Variants in INPP4B observed in about 807,000 individuals in gnomAD.
The protein encoded by INPP4B is inositol polyphosphate-4-phosphatase type II B, also known as inositol polyphosphate 4-phosphatase type II.
A neutral mutation model predicts 122.5 loss-of-function variants in INPP4B; 55 were observed. The ratio of observed to expected loss-of-function variants is 0.45; its 90% CI spans 0.36 to 0.56. The LOEUF (loss-of-function observed/expected upper bound fraction) is 0.56, where lower values mean the gene tolerates loss of function less well. Ranked by LOEUF, INPP4B falls within the 20% of genes least tolerant of loss-of-function variation. INPP4B has a pLI of 0.00. For synonymous variants in INPP4B, 403 were observed against 388.7 expected (o/e 1.04, Z -0.43); for missense variants, 1,000 against 1,097.7 (o/e 0.91, Z 1.26).
chr4:142,674,657 G>C (rs1757468061), intron 2 of INPP4B, among the ~76,000 whole-genome samples: 1 of 152,038 alleles, frequency 6.6e-6, no homozygotes, highest in African/African-American at 2.4e-5. Context: ...CAAAAGAATG[G>C]AAATTATAAC....
chr4:142,839,261 C>T (rs534793558), intron 1 of INPP4B, among the ~76,000 whole-genome samples: 2 of 152,198 alleles, frequency 1.3e-5, no homozygotes, highest in South Asian at 4.2e-4. Flanking sequence ...AGTTCGAGAC[C>T]AGCCTGGCCA....
chr4:142,574,558 G>A (rs577187309), intron 2 of INPP4B, among the ~76,000 whole-genome samples: 5 of 152,174 alleles, frequency 3.3e-5, no homozygotes, highest in Admixed American at 3.3e-4. Flanking sequence ...AGTTTCTCCG[G>A]AAACACCATG....
At chr4:142,496,217 C>T (rs1242929392) in intron 2 of INPP4B, among the ~76,000 whole-genome samples, 2 of 151,736 alleles carry the variant, frequency 1.3e-5, no homozygotes, top group Admixed American at 6.6e-5. Context: ...TAATTTTGCT[C>T]AATATTGTTC....
chr4:142,164,013 C>T (rs1185032987), intron 16 of INPP4B, among the ~76,000 whole-genome samples: 1 of 151,670 alleles, frequency 6.6e-6, no homozygotes, highest in African/African-American at 2.4e-5. Context: ...GAACGTAAGG[C>T]AGATCTATTT....
At chr4:142,739,639 C>A (rs1044031897) in intron 1 of INPP4B, among the ~76,000 whole-genome samples, 1 of 151,882 alleles carries the variant, frequency 6.6e-6, no homozygotes, top group African/African-American at 2.4e-5. Flanking sequence ...CCCACAAAGA[C>A]AGACAGAAAG....
chr4:142,637,286 A>T (rs916763861), intron 2 of INPP4B, among the ~76,000 whole-genome samples: 1 of 152,168 alleles, frequency 6.6e-6, no homozygotes, highest in Non-Finnish European at 1.5e-5. Context: ...GATATACACC[A>T]TTGTAGTACA....
intron 2 of INPP4B, among the ~76,000 whole-genome samples, chr4:142,475,546 T>C (rs1224615865): frequency 6.6e-6 from 1 of 152,056 alleles, no homozygotes; most frequent in African/African-American, 2.4e-5. Flanking sequence ...GAATGAAGAT[T>C]ATCGACATTC....
chr4:142,525,678 C>G (rs1025060914), intron 2 of INPP4B, among the ~76,000 whole-genome samples: 1 of 119,260 alleles, frequency 8.4e-6, no homozygotes, highest in African/African-American at 3.0e-5. Flanking sequence ...GGAAAACTGG[C>G]TAGCCATATG....
intron 2 of INPP4B, among the ~76,000 whole-genome samples, chr4:142,537,090 C>T (rs543544526): frequency 6.6e-6 from 1 of 152,020 alleles, no homozygotes; most frequent in Non-Finnish European, 1.5e-5. Context: ...CCACTGCCCC[C>T]GGCCAGGACA....
intron 25 of INPP4B, chr4:142,029,558 C>T (rs1438814983): frequency 1.0e-6 from 1 of 985,398 alleles, no homozygotes; most frequent in Non-Finnish European, 1.2e-6. Context: ...AAAGCCAAAT[C>T]AACCCAAACA....
intron 2 of INPP4B, among the ~76,000 whole-genome samples, chr4:142,685,237 A>C (rs1759176913): frequency 6.6e-6 from 1 of 152,064 alleles, no homozygotes; most frequent in African/African-American, 2.4e-5. Flanking sequence ...TGCCTGAGAC[A>C]GGCAAATATA....
intron 7 of INPP4B, among the ~76,000 whole-genome samples, chr4:142,370,914 A>G (rs554963564): frequency 6.6e-6 from 1 of 152,252 alleles, no homozygotes; most frequent in Non-Finnish European, 1.5e-5. Flanking sequence ...CATTCCTCAT[A>G]GAAGTAGAAA....
In INPP4B at chr4:142,637,009, CTT is replaced by C. The variant is rs1402245342; in HGVS notation, c.-191+88828_-191+88829del. Among the ~76,000 whole-genome samples the C allele has an allele frequency of 1.1e-4, 16 of 152,136 alleles. 1 individual carries two copies. The South Asian group carries it at 2.1e-3, about 20-fold the overall frequency. ...TAAATTCTGCTAAATGGGTCATACT[CTT>C]ATTTATTTTTTATTTATCAATAAAC... On this transcript the variant is annotated intron_variant, in intron 2 of 25. Transcript: ENST00000262992.
At chr4:142,075,231 A>G (rs1038270481) in intron 25 of INPP4B, among the ~76,000 whole-genome samples, 1 of 151,988 alleles carries the variant, frequency 6.6e-6, no homozygotes, top group Non-Finnish European at 1.5e-5. Context: ...ACGACCACAT[A>G]TTTCTATTAA....
intron 23 of INPP4B, among the ~76,000 whole-genome samples, chr4:142,090,746 T>C (rs1307248203): frequency 6.6e-6 from 1 of 151,694 alleles, no homozygotes; most frequent in African/African-American, 2.4e-5. Context: ...TATTCAGAGG[T>C]AAAAGTTACA....
At chr4:142,429,584 T>G (rs1808847384) in intron 4 of INPP4B, among the ~76,000 whole-genome samples, 1 of 152,018 alleles carries the variant, frequency 6.6e-6, no homozygotes, top group Non-Finnish European at 1.5e-5. Flanking sequence ...AATACTCTCT[T>G]AAATGGATTT....
chr4:142,551,104 C>T (rs1165648445), intron 2 of INPP4B, among the ~76,000 whole-genome samples: 1 of 152,142 alleles, frequency 6.6e-6, no homozygotes, highest in African/African-American at 2.4e-5. Flanking sequence ...AAGAAGCAAC[C>T]ATTTGTGGTT....
chr4:142,808,332 ACTT>A (rs57920445), intron 1 of INPP4B, among the ~76,000 whole-genome samples: 46,242 of 151,952 alleles, frequency 0.3, 7,182 homozygotes, highest in South Asian at 0.41. Flanking sequence ...AATTCACAAA[ACTT>A]CTCAAATTGA....
chr4:142,211,395 A>G (rs955130131), intron 12 of INPP4B, among the ~76,000 whole-genome samples: 6 of 152,196 alleles, frequency 3.9e-5, no homozygotes, highest in African/African-American at 1.4e-4. Flanking sequence ...ATTCATAATG[A>G]CATTTTCATT....
Sources: allele counts gnomAD v4.1 joint callset (sites outside exome capture counted in the v4.1 genomes callset), GRCh38; gene constraint gnomAD v4.1.1; transcripts MANE v1.5; gene names NCBI Gene and HGNC (gene_info 2026-07-23, HGNC 2026-07-21).